The following NKIRAS1 variants were observed in gnomAD, a reference collection of about 807,000 sequenced individuals.
NKIRAS1 encodes the protein NFKB inhibitor interacting Ras like 1.
NKIRAS1 carries 16 observed loss-of-function variants against 19.8 expected under a neutral mutation model. The ratio of observed to expected loss-of-function variants is 0.81; its 90% CI spans 0.55 to 1.23. The LOEUF (loss-of-function observed/expected upper bound fraction) is 1.23. Ranked by LOEUF, NKIRAS1 falls within the 50% of genes most tolerant of loss-of-function variation. The probability of loss-of-function intolerance (pLI) is 0.00; values close to 1 mark genes in which losing one functional copy is unlikely to be tolerated. For synonymous variants in NKIRAS1, 88 were observed against 79.0 expected (o/e 1.11, Z -0.61); for missense variants, 184 against 220.0 (o/e 0.84, Z 1.04).
chr3:23,945,053 G>T (rs1341067310), intron 1 of NKIRAS1, among the ~76,000 whole-genome samples: 2 of 152,016 alleles, frequency 1.3e-5, no homozygotes, highest in African/African-American at 4.8e-5. Flanking sequence ...TGCGGCGGAG[G>T]GAAACGGAGA....
chr3:23,926,407 C>G lies in NKIRAS1; in HGVS notation c.-139-14957G>C, dbSNP rs150680841. Among the ~76,000 whole-genome samples the G allele has an allele frequency of 1.2e-4, 18 of 151,924 alleles. No homozygotes were observed. The highest frequency in any genetic ancestry group is 2.4e-4 in the Non-Finnish European group (16 of 67,962). ...CTTTATTTCTTCTTCTTTCTTCTTCCTCCTCCTCCTTCCTCCTCCTCCTCT... is the reference window on the plus strand; with the variant it reads ...CTTTATTTCTTCTTCTTTCTTCTTCGTCCTCCTCCTTCCTCCTCCTCCTCT... On this transcript the variant is annotated intron_variant, in intron 1 of 4. Coordinates refer to the NKIRAS1 transcript ENST00000421515. This position sits in a 1 kb window ranked among gnomAD's most constrained non-coding sequence, Gnocchi z 4.3.
At chr3:23,910,396 C>A (rs1296594310) in intron 3 of NKIRAS1, among the ~76,000 whole-genome samples, 1 of 152,118 alleles carries the variant, frequency 6.6e-6, no homozygotes, top group Admixed American at 6.5e-5. Flanking sequence ...ATCAGGTGAT[C>A]CGCCTGCCTC....
At chr3:23,915,012 T>C (rs1704183468) in intron 1 of NKIRAS1, among the ~76,000 whole-genome samples, 1 of 152,232 alleles carries the variant, frequency 6.6e-6, no homozygotes. Context: ...TGAGGCACCA[T>C]GTTCTCTCAC....
intron 1 of NKIRAS1, among the ~76,000 whole-genome samples, chr3:23,934,446 G>T (rs1246621885): frequency 2.6e-5 from 4 of 152,200 alleles, no homozygotes; most frequent in Non-Finnish European, 5.9e-5. Flanking sequence ...TGATTAAACT[G>T]AGTATTCAGT....
intron 1 of NKIRAS1, among the ~76,000 whole-genome samples, chr3:23,932,601 T>C (rs1302570663): frequency 6.6e-6 from 1 of 151,122 alleles, no homozygotes; most frequent in Non-Finnish European, 1.5e-5. Context: ...GGCAGGAGAA[T>C]TGCTTGAACC....
chr3:23,911,978 G>A (rs1303339537), intron 1 of NKIRAS1, among the ~76,000 whole-genome samples: 2 of 151,734 alleles, frequency 1.3e-5, no homozygotes, highest in African/African-American at 4.8e-5. Context: ...TGGCCAGGAT[G>A]GTCTCAAACT....
At chr3:23,903,432 T>C (rs1190838871) in intron 3 of NKIRAS1, among the ~76,000 whole-genome samples, 2 of 152,014 alleles carry the variant, frequency 1.3e-5, no homozygotes, top group African/African-American at 4.8e-5. Context: ...CCATTTTTAA[T>C]TATGAACAGA....
intron 3 of NKIRAS1, among the ~76,000 whole-genome samples, chr3:23,905,726 A>T (rs1375919663): frequency 6.6e-6 from 1 of 151,756 alleles, no homozygotes; most frequent in Non-Finnish European, 1.5e-5. Flanking sequence ...GTTGAAGGCC[A>T]TCATCACTGG....
In NKIRAS1 at chr3:23,910,767, T is replaced by C. The variant is rs149013494; in HGVS notation, c.94+44A>G. The C allele has an allele frequency of 1.3e-3, 1,851 of 1,444,686 alleles. 2 individuals are homozygous for C. Among genetic ancestry groups the C allele is most frequent in the Non-Finnish European group, 1.7e-3 (1,698 of 1,027,630 alleles). The allele number at this position is 1,444,686 out of a possible 1,614,324, so 89.5% of individuals were successfully genotyped here. A position where few individuals can be genotyped will look rare whatever the true frequency, so the allele number is the denominator to read the frequency against. ...AGCATGACCAACAAAAGACCCCTGA[T>C]AGCTCCCAGAACCTAGAGACAAACT... On this transcript the variant is annotated intron_variant, in intron 3 of 4. Transcript: ENST00000425478.
intron 3 of NKIRAS1, among the ~76,000 whole-genome samples, chr3:23,903,089 T>C (rs1702673767): frequency 6.6e-6 from 1 of 152,196 alleles, no homozygotes; most frequent in Admixed American, 6.5e-5. Flanking sequence ...TCCATATGCT[T>C]AGAGCTTCCA....
intron 4 of NKIRAS1, among the ~76,000 whole-genome samples, chr3:23,900,117 G>A (rs193090175): frequency 5.9e-5 from 9 of 152,064 alleles, no homozygotes; most frequent in East Asian, 3.9e-4. Flanking sequence ...AGCCAAGATC[G>A]TGCCACTGCA....
intron 1 of NKIRAS1, among the ~76,000 whole-genome samples, chr3:23,944,210 T>C (rs1705566672): frequency 1.3e-5 from 2 of 152,210 alleles, no homozygotes; most frequent in Admixed American, 1.3e-4. Flanking sequence ...CTTCAGGAAC[T>C]TGCAGATTTA....
At chr3:23,904,471 T>C (rs1245278960) in intron 3 of NKIRAS1, among the ~76,000 whole-genome samples, 2 of 152,160 alleles carry the variant, frequency 1.3e-5, no homozygotes, top group Non-Finnish European at 2.9e-5. Context: ...CAAGCCCTTT[T>C]ATAAGGATGC....
upstream of NKIRAS1, chr3:23,918,122 CTT>C: frequency 6.8e-7 from 1 of 1,470,282 alleles, no homozygotes; most frequent in Non-Finnish European, 9.2e-7. Flanking sequence ...GCCTCAGTGT[CTT>C]TCTTCGCATA....
upstream of NKIRAS1, chr3:23,918,181 C>T (rs1401563149): frequency 4.7e-6 from 5 of 1,052,964 alleles, no homozygotes; most frequent in Middle Eastern, 3.1e-4. Context: ...TTACTGTATG[C>T]ACTGTTGTCT....
At chr3:23,931,437 A>C (rs906050654) in intron 1 of NKIRAS1, among the ~76,000 whole-genome samples, 8 of 152,146 alleles carry the variant, frequency 5.3e-5, no homozygotes, top group African/African-American at 1.7e-4. Context: ...GTCTTTCCTC[A>C]AACATCCATT....
At chr3:23,937,816 G>C (rs1316946408) in intron 1 of NKIRAS1, among the ~76,000 whole-genome samples, 2 of 152,018 alleles carry the variant, frequency 1.3e-5, no homozygotes, top group Non-Finnish European at 2.9e-5. Flanking sequence ...AAGTATCTTG[G>C]CCAGATGGTT....
At chr3:23,935,512 C>T (rs1046764576) in intron 1 of NKIRAS1, among the ~76,000 whole-genome samples, 1 of 152,120 alleles carries the variant, frequency 6.6e-6, no homozygotes, top group African/African-American at 2.4e-5. Flanking sequence ...ACCACTAACA[C>T]TTAGGCTCAA....
rs993904945 is a variant in NKIRAS1, at chr3:23,927,311, G to A, written c.-139-15861C>T. Among the ~76,000 whole-genome samples the A allele has an allele frequency of 4.6e-5, 7 of 152,110 alleles. No individual in the cohort carries two copies. Among genetic ancestry groups the A allele is most frequent in the Non-Finnish European group, 1.0e-4 (7 of 68,016 alleles). Reference sequence around the variant, plus strand: ...AAGGTGGGAGGATCCCTTGAGGCCAGGAGTTCGAGACCAGTCCAGTCAACA... The same window carrying A: ...AAGGTGGGAGGATCCCTTGAGGCCAAGAGTTCGAGACCAGTCCAGTCAACA... On this transcript the variant is annotated intron_variant, in intron 1 of 4. Transcript: ENST00000421515. The surrounding 1 kb of genome is among the most constrained non-coding windows in gnomAD (Gnocchi z 4.0).
Sources: allele counts gnomAD v4.1 joint callset (sites outside exome capture counted in the v4.1 genomes callset), GRCh38; gene constraint gnomAD v4.1.1; non-coding constraint Gnocchi (gnomAD v3.1); transcripts MANE v1.5; gene names NCBI Gene and HGNC (gene_info 2026-07-23, HGNC 2026-07-21).